Variants in TIAM1 observed in about 807,000 individuals in gnomAD.
The protein encoded by TIAM1 is TIAM Rac1 associated GEF 1, also known as rho guanine nucleotide exchange factor TIAM1.
A neutral mutation model predicts 163.5 loss-of-function variants in TIAM1; 65 were observed. The ratio of observed to expected loss-of-function variants is 0.40; its 90% CI spans 0.33 to 0.49. TIAM1 has a LOEUF of 0.49. Among genes scored for constraint, TIAM1 ranks in the 20% least tolerant of loss-of-function variants. The pLI, the probability that TIAM1 is intolerant of heterozygous loss-of-function variation, is 0.77. For missense variants in TIAM1, 1,789 were observed against 2,044.7 expected, an observed-to-expected ratio of 0.87 and a Z score of 2.41; for synonymous variants, 833 against 810.1, an observed-to-expected ratio of 1.03 and a Z score of -0.48.
intron 5 of TIAM1, among the ~76,000 whole-genome samples, chr21:31,246,899 G>A (rs367652239): frequency 6.6e-6 from 1 of 152,138 alleles, no homozygotes; most frequent in Admixed American, 6.5e-5. Context: ...CGGTGCTGCT[G>A]AGCATCATGA....
chr21:31,353,012 T>C (rs909544489), intron 2 of TIAM1, among the ~76,000 whole-genome samples: 2 of 152,120 alleles, frequency 1.3e-5, no homozygotes, highest in Non-Finnish European at 2.9e-5. Flanking sequence ...TTTTCTCTGA[T>C]TGTAAGAGAT....
At chr21:31,558,086 G>C (rs1042485504) in intron 1 of TIAM1, among the ~76,000 whole-genome samples, 1 of 152,156 alleles carries the variant, frequency 6.6e-6, no homozygotes, top group Non-Finnish European at 1.5e-5. Context: ...CGCCGGGGCT[G>C]GGGGGCGCAC....
chr21:31,526,788 G>A (rs534272702), intron 1 of TIAM1, among the ~76,000 whole-genome samples: 8 of 152,140 alleles, frequency 5.3e-5, no homozygotes, highest in Non-Finnish European at 1.0e-4. Flanking sequence ...TAAAACCTCC[G>A]CCTCCCAGGT....
At chr21:31,175,528 C>A (rs2084718030) in intron 15 of TIAM1, among the ~76,000 whole-genome samples, 1 of 152,084 alleles carries the variant, frequency 6.6e-6, no homozygotes, top group Non-Finnish European at 1.5e-5. Flanking sequence ...TCTTGGCTTT[C>A]TTCTTGATGT....
intron 2 of TIAM1, among the ~76,000 whole-genome samples, chr21:31,372,202 T>A (rs1220852124): frequency 6.6e-6 from 1 of 152,070 alleles, no homozygotes; most frequent in Non-Finnish European, 1.5e-5. Flanking sequence ...TTTCTCCCAT[T>A]AAAAATGTAG....
intron 1 of TIAM1, among the ~76,000 whole-genome samples, chr21:31,530,504 G>A (rs764592945): frequency 4.6e-5 from 7 of 152,242 alleles, no homozygotes; most frequent in Non-Finnish European, 1.0e-4. Flanking sequence ...CCAGCTCAAC[G>A]TACTAAAGCA....
At chr21:31,330,030 G>C (rs926145539) in intron 2 of TIAM1, among the ~76,000 whole-genome samples, 1 of 152,102 alleles carries the variant, frequency 6.6e-6, no homozygotes, top group Admixed American at 6.5e-5. Flanking sequence ...AACATATATT[G>C]ACACATCATT....
chr21:31,522,032 C>T (rs1055539048), intron 1 of TIAM1, among the ~76,000 whole-genome samples: 1 of 151,762 alleles, frequency 6.6e-6, no homozygotes, highest in Non-Finnish European at 1.5e-5. Context: ...CAACCACGCC[C>T]GGATAATTTT....
At chr21:31,296,081 G>A (rs1249711582) in intron 2 of TIAM1, among the ~76,000 whole-genome samples, 2 of 152,202 alleles carry the variant, frequency 1.3e-5, no homozygotes, top group African/African-American at 2.4e-5. Flanking sequence ...TTACAGGCGT[G>A]AGCCACCGCA....
chr21:31,555,690 C>T (rs1011448139), intron 1 of TIAM1, among the ~76,000 whole-genome samples: 1 of 152,222 alleles, frequency 6.6e-6, no homozygotes, highest in Non-Finnish European at 1.5e-5. Flanking sequence ...CCCATGCTCT[C>T]ACCTGCCTTC....
At chr21:31,487,433 C>A (rs1602398320) in intron 1 of TIAM1, among the ~76,000 whole-genome samples, 2 of 152,118 alleles carry the variant, frequency 1.3e-5, no homozygotes, top group South Asian at 2.1e-4. Flanking sequence ...TGCAGTGGTG[C>A]GATCTCGGCT....
intron 2 of TIAM1, among the ~76,000 whole-genome samples, chr21:31,321,043 T>C (rs561396158): frequency 1.3e-5 from 2 of 151,266 alleles, no homozygotes; most frequent in South Asian, 4.2e-4. Context: ...TCCCAGCTAC[T>C]TGGGAGGCTG....
intron 1 of TIAM1, among the ~76,000 whole-genome samples, chr21:31,522,753 C>G (rs1431708541): frequency 6.6e-6 from 1 of 152,114 alleles, no homozygotes; most frequent in African/African-American, 2.4e-5. Flanking sequence ...AAAGTTCTAT[C>G]CAAATGGGAT....
At chr21:31,213,562 G>A (rs1259108938) in intron 9 of TIAM1, 90 bp from the exon 10 acceptor site, 2 of 1,092,028 alleles carry the variant, frequency 1.8e-6, no homozygotes, top group Admixed American at 3.6e-5. Context: ...GCATGGCTAT[G>A]ACAAAACCTT....
intron 2 of TIAM1, among the ~76,000 whole-genome samples, chr21:31,444,900 A>T (rs1290098994): frequency 6.6e-6 from 1 of 152,200 alleles, no homozygotes; most frequent in Non-Finnish European, 1.5e-5. Flanking sequence ...TGGGAAGCTG[A>T]GGCAGGAGAA....
intron 11 of TIAM1, among the ~76,000 whole-genome samples, chr21:31,209,575 C>T (rs757360756): frequency 9.2e-5 from 14 of 152,260 alleles, no homozygotes; most frequent in Middle Eastern, 3.4e-3. Flanking sequence ...CATAGTGTAT[C>T]GGTTACTGAT....
At chr21:31,360,275 T>C (rs2076386864) in intron 2 of TIAM1, among the ~76,000 whole-genome samples, 2 of 151,898 alleles carry the variant, frequency 1.3e-5, no homozygotes, top group Non-Finnish European at 2.9e-5. Flanking sequence ...AGAAGTATAA[T>C]AATAATAATA....
At chr21:31,323,841 C>G (rs2075396580) in intron 2 of TIAM1, among the ~76,000 whole-genome samples, 1 of 151,564 alleles carries the variant, frequency 6.6e-6, no homozygotes, top group Non-Finnish European at 1.5e-5. Flanking sequence ...CAAAAAGAAA[C>G]ACACAAAAAT....
rs1367294755 is a variant in TIAM1 at position 31,245,545 on chromosome 21, G to A, written c.1527C>T (p.Pro509=). 2.5e-6 allele frequency: 4 copies of A among 1,595,074 alleles called. No homozygotes were observed. The highest frequency in any genetic ancestry group is 2.3e-5 in the South Asian group (2 of 87,690). Residue 509 remains proline (P), a synonymous_variant, in exon 6 of 28, where the codon CCC becomes CCT. Transcript: ENST00000541036. Reference sequence around the variant, plus strand: ...TGAGGCAGAAGACAAAGTCCTTCTTGGGGTGCTCAGGCACCGCCTGCACAA... The same window carrying A: ...TGAGGCAGAAGACAAAGTCCTTCTTAGGGTGCTCAGGCACCGCCTGCACAA... ...NSIVQAVPEH[P]KKDFVFCLSN...
Sources: gnomAD v4.1 joint callset for allele counts (sites outside exome capture counted in the v4.1 genomes callset) on GRCh38, gnomAD v4.1.1 for gene constraint, MANE v1.5 for transcripts, NCBI Gene and HGNC (gene_info 2026-07-23, HGNC 2026-07-21) for gene names.